Variants in NFYC observed in about 807,000 individuals in gnomAD.
NFYC encodes nuclear transcription factor Y subunit gamma.
A neutral mutation model predicts 53.1 loss-of-function variants in NFYC; 25 were observed. The ratio of observed to expected loss-of-function variants is 0.47; its 90% confidence interval spans 0.34 to 0.66. The LOEUF is 0.66. NFYC is among the 30% of genes least tolerant of loss of function. The pLI, the probability that NFYC is intolerant of heterozygous loss-of-function variation, is 0.01. For missense variants in NFYC, 260 were observed against 422.7 expected (o/e 0.62, Z 3.38); for synonymous variants, 145 against 152.6 (o/e 0.95, Z 0.37).
intron 7 of NFYC, among the ~76,000 whole-genome samples, chr1:40,764,608 T>C (rs1413582514): frequency 6.6e-6 from 1 of 152,244 alleles, no homozygotes; most frequent in Non-Finnish European, 1.5e-5. Context: ...AGAAGATTTG[T>C]TGCAGAATTC....
intron 5 of NFYC, among the ~76,000 whole-genome samples, chr1:40,754,000 T>C (rs559088984): frequency 1.3e-5 from 2 of 152,280 alleles, no homozygotes; most frequent in African/African-American, 4.8e-5. Context: ...ACCTCTGTCC[T>C]TTAGAGCTCA....
chr1:40,715,252 C>T (rs116928247), intron 1 of NFYC, among the ~76,000 whole-genome samples: 318 of 151,566 alleles, frequency 2.1e-3, no homozygotes, highest in East Asian at 8.6e-3. Flanking sequence ...AAAAAAACAC[C>T]GAAATTAGCC....
intron 1 of NFYC, among the ~76,000 whole-genome samples, chr1:40,707,455 A>G (rs1477066557): frequency 4.1e-5 from 6 of 146,934 alleles, no homozygotes; most frequent in Non-Finnish European, 6.0e-5. Flanking sequence ...ACTCCAGCCT[A>G]GGCAACAGAG....
chr1:40,706,524 C>T (rs1643699028), intron 1 of NFYC, among the ~76,000 whole-genome samples: 1 of 151,902 alleles, frequency 6.6e-6, no homozygotes, highest in Non-Finnish European at 1.5e-5. Flanking sequence ...GAAAAGAGCT[C>T]GTCTACCTAG....
chr1:40,740,918 C>G (rs1645303614), intron 2 of NFYC, among the ~76,000 whole-genome samples: 1 of 150,660 alleles, frequency 6.6e-6, no homozygotes, highest in Non-Finnish European at 1.5e-5. Flanking sequence ...TTTTGTTGGA[C>G]TTTGATTTTT....
intron 1 of NFYC, among the ~76,000 whole-genome samples, chr1:40,734,626 G>A (rs1361401949): frequency 6.6e-6 from 1 of 152,100 alleles, no homozygotes; most frequent in Non-Finnish European, 1.5e-5. Flanking sequence ...CTCCCAAAGT[G>A]CTGGGATTAC....
chr1:40,732,659 T>C (rs1644824875), intron 1 of NFYC, among the ~76,000 whole-genome samples: 1 of 152,200 alleles, frequency 6.6e-6, no homozygotes, highest in Non-Finnish European at 1.5e-5. Flanking sequence ...ACTTACCCAT[T>C]GTCATTAATA....
At chr1:40,762,345 C>T (rs958606170) in intron 6 of NFYC, among the ~76,000 whole-genome samples, 1 of 152,212 alleles carries the variant, frequency 6.6e-6, no homozygotes, top group African/African-American at 2.4e-5. Context: ...TGCTCTGCAG[C>T]TTGAATGGGG....
chr1:40,759,224 T>G (rs1646399989), intron 6 of NFYC, among the ~76,000 whole-genome samples: 2 of 134,854 alleles, frequency 1.5e-5, no homozygotes, highest in South Asian at 5.5e-4. Flanking sequence ...GCAAGACCTC[T>G]TCTTTAATTA....
chr1:40,740,557 T>TGG lies in NFYC; in HGVS notation c.105+1611_105+1612dup, dbSNP rs1645284381. The stretch of plus-strand genomic sequence containing the variant: ...TGGCTTAGCCTTTCTCAGACTGGCC[T>TGG]GGGTTCAGAGTGGATTTCCACTGAA... On this transcript the variant is annotated intron_variant, in intron 2 of 9. Transcript: ENST00000447388. Among the ~76,000 whole-genome samples, 4 of 152,388 alleles carry TGG rather than the reference T, an allele frequency of 2.6e-5. No homozygotes were observed. In the South Asian group the frequency reaches 8.3e-4, roughly 32 times the overall value.
chr1:40,692,432 A>G (rs1264730625), intron 1 of NFYC: 2 of 152,618 alleles, frequency 1.3e-5, no homozygotes, highest in African/African-American at 4.8e-5. Flanking sequence ...TGCATGGCCC[A>G]AGATTGGGGT....
chr1:40,741,864 A>G (rs1400482604), intron 2 of NFYC, among the ~76,000 whole-genome samples: 1 of 151,698 alleles, frequency 6.6e-6, no homozygotes, highest in Non-Finnish European at 1.5e-5. Context: ...TCTGCCTCCC[A>G]AAGTGCTGGG....
At chr1:40,701,033 C>T (rs867190311) in intron 1 of NFYC, among the ~76,000 whole-genome samples, 13 of 152,172 alleles carry the variant, frequency 8.5e-5, no homozygotes, top group Admixed American at 2.6e-4. Flanking sequence ...ATGTTTAAGA[C>T]GCATTAGTTC....
intron 1 of NFYC, among the ~76,000 whole-genome samples, chr1:40,710,278 C>T (rs1643889927): frequency 6.6e-6 from 1 of 152,204 alleles, no homozygotes. Flanking sequence ...AGATTTCACA[C>T]ATTTTGTCAG....
intron 1 of NFYC, among the ~76,000 whole-genome samples, chr1:40,700,801 G>A (rs1343865699): frequency 2.6e-5 from 4 of 152,178 alleles, no homozygotes; most frequent in African/African-American, 9.7e-5. Flanking sequence ...TGTCCAGGCT[G>A]GTCTTGAACT....
intron 1 of NFYC, among the ~76,000 whole-genome samples, chr1:40,731,969 T>C (rs1168905211): frequency 6.6e-6 from 1 of 152,216 alleles, no homozygotes; most frequent in East Asian, 1.9e-4. Flanking sequence ...TTTTGTTATA[T>C]GTTTGGCTTA....
At chr1:40,742,453 G>A (rs1645401173) in intron 2 of NFYC, among the ~76,000 whole-genome samples, 1 of 152,140 alleles carries the variant, frequency 6.6e-6, no homozygotes, top group Non-Finnish European at 1.5e-5. Context: ...CCAAATTTTA[G>A]TACCTAGACT....
At chr1:40,729,676 G>T (rs1204268444) in intron 1 of NFYC, among the ~76,000 whole-genome samples, 1 of 151,324 alleles carries the variant, frequency 6.6e-6, no homozygotes, top group Non-Finnish European at 1.5e-5. Flanking sequence ...GTCCATCTCA[G>T]CTCTTTTTTT....
At chr1:40,723,373 G>GCCTGAAAAACC (rs1230031085) in intron 1 of NFYC, 2 of 152,202 alleles carry the variant, frequency 1.3e-5, no homozygotes, top group East Asian at 3.8e-4. Context: ...CGGGATTGAG[G>GCCTGAAAAACC]CCTGAAAAAC....
Sources: gnomAD v4.1 joint callset for allele counts (sites outside exome capture counted in the v4.1 genomes callset) on GRCh38, gnomAD v4.1.1 for gene constraint, MANE v1.5 for transcripts, NCBI Gene and HGNC (gene_info 2026-07-23, HGNC 2026-07-21) for gene names.